The following GOLGA7B variants were observed in gnomAD, a reference collection of about 807,000 sequenced individuals.
GOLGA7B encodes the protein golgin A7 family member B.
A neutral mutation model predicts 21.5 loss-of-function variants in GOLGA7B; 17 were observed. The observed-to-expected ratio is 0.79, with a 90% CI of 0.54 to 1.19. The LOEUF (loss-of-function observed/expected upper bound fraction) is 1.19, where lower values mean the gene tolerates loss of function less well. Among genes scored for constraint, GOLGA7B ranks in the 50% most tolerant of loss-of-function variants. The probability of loss-of-function intolerance (pLI) is 0.00; values close to 1 mark genes in which losing one functional copy is unlikely to be tolerated. For synonymous variants in GOLGA7B, 87 were observed against 84.0 expected (o/e 1.04, Z -0.19); for missense variants, 169 against 224.4 (o/e 0.75, Z 1.58).
rs756682474 is a variant in GOLGA7B, at chr10:97,859,447, C to T, written c.13-11C>T. On this transcript the variant is annotated splice_polypyrimidine_tract_variant and intron_variant, in intron 1 of 4. Transcript: ENST00000370602. ...TCACTCTCAGCACATGCCGCCCGCA[C>T]GTCTCCTCAGGTCCACAATCTGCAG... 95 of 1,613,584 alleles carry T rather than the reference C, an allele frequency of 5.9e-5. No individual in the cohort carries two copies. The highest frequency in any genetic ancestry group is 2.3e-4 in the Admixed American group (14 of 59,978).
At chr10:97,856,795 C>T (rs12569627) in intron 1 of GOLGA7B, among the ~76,000 whole-genome samples, 7,329 of 152,184 alleles carry the variant, frequency 0.048, 223 homozygotes, top group South Asian at 0.11. Context: ...CATGATGTCT[C>T]ACTGTGGTTT....
chr10:97,850,405 A>T, intron 1 of GOLGA7B, 90 bp downstream of exon 1: 5 of 805,182 alleles, frequency 6.2e-6, no homozygotes, highest in Non-Finnish European at 9.7e-6. Context: ...GGGAGGCGGG[A>T]GTTGGGGGTG....
Position 97,855,114 on chromosome 10 carries a change from G to A in GOLGA7B, c.13-4344G>A, listed in dbSNP as rs969592236. On this transcript the variant is annotated intron_variant, in intron 1 of 4. Transcript: ENST00000370602. The stretch of plus-strand genomic sequence containing the variant: ...CCTAGGAGGAAGAAGAAATGGCTTG[G>A]GTCAGTAGCTAGCCAGTCGCTAGAG... Among the ~76,000 whole-genome samples, 12 of 152,228 alleles carry A rather than the reference G, an allele frequency of 7.9e-5. No individual in the cohort carries two copies. The South Asian group carries it at 2.5e-3, about 32-fold the overall frequency.
intron 1 of GOLGA7B, among the ~76,000 whole-genome samples, chr10:97,858,280 T>C (rs1187682121): frequency 6.6e-6 from 1 of 152,176 alleles, no homozygotes; most frequent in African/African-American, 2.4e-5. Context: ...ATATATTTAC[T>C]TGTCTTCCTC....
intron 1 of GOLGA7B, among the ~76,000 whole-genome samples, chr10:97,856,802 G>GT (rs2049937978): frequency 6.6e-6 from 1 of 152,072 alleles, no homozygotes; most frequent in Admixed American, 6.6e-5. Flanking sequence ...TCTCACTGTG[G>GT]TTTTAATTTG....
intron 2 of GOLGA7B, among the ~76,000 whole-genome samples, chr10:97,861,877 T>C (rs575249595): frequency 2.6e-5 from 4 of 152,302 alleles, no homozygotes; most frequent in African/African-American, 9.6e-5. Flanking sequence ...AGGATTTTCA[T>C]AGGATTTTCT....
At chr10:97,862,107 CG>C (rs1335147542) in intron 2 of GOLGA7B, among the ~76,000 whole-genome samples, 4 of 152,180 alleles carry the variant, frequency 2.6e-5, no homozygotes, top group African/African-American at 9.7e-5. Context: ...GTGACCTTCC[CG>C]GCTGTCTGGT....
intron 1 of GOLGA7B, among the ~76,000 whole-genome samples, chr10:97,857,542 C>T (rs1051261954): frequency 6.6e-6 from 1 of 152,068 alleles, no homozygotes; most frequent in African/African-American, 2.4e-5. Flanking sequence ...AATGACCATG[C>T]GGCCCAAAGC....
intron 2 of GOLGA7B, among the ~76,000 whole-genome samples, 199 bp from the exon 3 acceptor site, chr10:97,863,731 A>G (rs956012512): frequency 6.6e-6 from 1 of 152,224 alleles, no homozygotes; most frequent in African/African-American, 2.4e-5. Flanking sequence ...TTGATGGCCA[A>G]GTCTGGACTG....
Position 97,850,129 on chromosome 10 carries a change from C to A in GOLGA7B, c.-175C>A. 1 of 164,842 alleles carries A rather than the reference C, an allele frequency of 6.1e-6. No individual in the cohort carries two copies. Among genetic ancestry groups the A allele is most frequent in the South Asian group, 1.8e-4 (1 of 5,442 alleles). 10.2% of individuals were successfully genotyped at this position (164,842 alleles called of 1,614,324 possible). A position where few individuals can be genotyped will look rare whatever the true frequency, so the allele number is the denominator to read the frequency against. ...GCCGCGCCCCTTGCCTGGACCCAGC[C>A]GCCCGCCCGCCCCCGGCCCACCTGA... On this transcript the variant is annotated 5_prime_UTR_variant, in exon 1 of 5. Coordinates refer to ENST00000370602, the MANE Select transcript of GOLGA7B (RefSeq NM_001010917.3).
intron 2 of GOLGA7B, among the ~76,000 whole-genome samples, chr10:97,861,589 C>G (rs868536429): frequency 3.9e-5 from 6 of 152,222 alleles, no homozygotes; most frequent in African/African-American, 1.4e-4. Context: ...CTGAGTTTTG[C>G]TTCTGGTCCA....
rs1415433825 is a variant in GOLGA7B, at chr10:97,870,351, A to AATGC, written c.*4654_*4657dup. 3 of 152,170 alleles carry AATGC rather than the reference A, an allele frequency of 2.0e-5. No homozygotes were observed. Among genetic ancestry groups the AATGC allele is most frequent in the Non-Finnish European group, 4.4e-5 (3 of 68,034 alleles). 9.4% of individuals were successfully genotyped at this position (152,170 alleles called of 1,614,324 possible). ...TTCCACAGAAGCAGCCAGACACAAA[A>AATGC]ATGCATATGCACCATGTGATTCCCC... On this transcript the variant is annotated 3_prime_UTR_variant, in exon 5 of 5. Transcript: ENST00000370602.
intron 4 of GOLGA7B, 161 bp from the exon 5 acceptor site, chr10:97,865,429 T>A (rs2050008056): frequency 3.2e-6 from 4 of 1,231,564 alleles, no homozygotes; most frequent in Admixed American, 2.6e-5. Context: ...TGTGCATGGA[T>A]GGGCTTGGGG....
At position 97,863,919 on chromosome 10, in the gene GOLGA7B, C is replaced by T. The variant is rs750858304; in HGVS notation, c.139-11C>T. On this transcript the variant is annotated splice_polypyrimidine_tract_variant and intron_variant, in intron 2 of 4. Coordinates refer to ENST00000370602, the MANE Select transcript of GOLGA7B (RefSeq NM_001010917.3). ...AGGCTAACCGCAGCCTGGCTCTGTC[C>T]CTTTCTCCAGATCGAGCGGCAGCTC... 6 of 1,607,526 alleles carry T rather than the reference C, an allele frequency of 3.7e-6. No individual in the cohort carries two copies. Among genetic ancestry groups the T allele is most frequent in the South Asian group, 1.1e-5 (1 of 89,470 alleles).
At position 97,862,525 on chromosome 10, in the gene GOLGA7B, A is replaced by T. The variant is rs567056874; in HGVS notation, c.139-1405A>T. On this transcript the variant is annotated intron_variant, in intron 2 of 4. Transcript: ENST00000370602. ...AAAATGTTAAGAAAATCATAAGGAGAAGAAAATATATTTACTACTCATTAA... is the reference window on the plus strand; with the variant it reads ...AAAATGTTAAGAAAATCATAAGGAGTAGAAAATATATTTACTACTCATTAA... Among the ~76,000 whole-genome samples, 23 of 152,306 alleles carry T rather than the reference A, an allele frequency of 1.5e-4. No individual in the cohort carries two copies. In the Middle Eastern group the frequency reaches 0.01, roughly 68 times the overall value.
intron 1 of GOLGA7B, among the ~76,000 whole-genome samples, chr10:97,852,828 G>A (rs2049912301): frequency 6.6e-6 from 1 of 152,102 alleles, no homozygotes; most frequent in South Asian, 2.1e-4. Context: ...AGAGGTGTCT[G>A]TAAGGAACTC....
At chr10:97,859,424 ACT>A in intron 1 of GOLGA7B, 32 bp from the exon 2 acceptor site, 1 of 1,608,034 alleles carries the variant, frequency 6.2e-7, no homozygotes, top group Non-Finnish European at 8.5e-7. Flanking sequence ...ATGGATGGTC[ACT>A]CTCAGCACAT....
At chr10:97,863,398 T>G (rs962514715) in intron 2 of GOLGA7B, among the ~76,000 whole-genome samples, 1 of 152,110 alleles carries the variant, frequency 6.6e-6, no homozygotes, top group Non-Finnish European at 1.5e-5. Flanking sequence ...GGTGGTGGTG[T>G]TGTGGGTGAC....
intron 1 of GOLGA7B, 92 bp from the exon 2 acceptor site, chr10:97,859,366 C>T: frequency 7.6e-7 from 1 of 1,313,510 alleles, no homozygotes; most frequent in Non-Finnish European, 1.1e-6. Flanking sequence ...GGTGTTAGTG[C>T]TGGAAGACCT....
Sources: gnomAD v4.1 joint callset for allele counts (sites outside exome capture counted in the v4.1 genomes callset) on GRCh38, gnomAD v4.1.1 for gene constraint, MANE v1.5 for transcripts, NCBI Gene and HGNC (gene_info 2026-07-23, HGNC 2026-07-21) for gene names.